LINGO2: variants seen among roughly 807,000 people sequenced by gnomAD.
LINGO2 encodes the protein leucine-rich repeat and immunoglobulin-like domain-containing nogo receptor-interacting protein 2.
LINGO2 carries 14 observed loss-of-function variants against 30.6 expected under a neutral mutation model. The ratio of observed to expected loss-of-function variants is 0.46; its 90% CI spans 0.30 to 0.72. The LOEUF (loss-of-function observed/expected upper bound fraction) is 0.72. LINGO2 is among the 30% of genes least tolerant of loss of function. LINGO2 has a pLI of 0.07. For synonymous variants in LINGO2, 317 were observed against 288.5 expected (o/e 1.10, Z -1.00); for missense variants, 729 against 751.7 (o/e 0.97, Z 0.35).
chr9:28,262,409 A>G (rs1229579255), intron 4 of LINGO2, among the ~76,000 whole-genome samples: 3 of 152,076 alleles, frequency 2.0e-5, no homozygotes, highest in Non-Finnish European at 4.4e-5. Context: ...TTGAATTTGA[A>G]TCAACAATTT....
chr9:28,829,982 ACATT>A, the LINGO2 span, among the ~76,000 whole-genome samples: 6 of 152,224 alleles, frequency 3.9e-5, no homozygotes, highest in Non-Finnish European at 8.8e-5. Flanking sequence ...TAAGGAACAT[ACATT>A]CATAACCAAA....
At chr9:28,303,457 A>G (rs1198325666) in intron 3 of LINGO2, among the ~76,000 whole-genome samples, 4 of 152,098 alleles carry the variant, frequency 2.6e-5, no homozygotes, top group African/African-American at 9.7e-5. Flanking sequence ...TATATATAAA[A>G]TTGACCCCTG....
the LINGO2 span, among the ~76,000 whole-genome samples, chr9:29,020,252 C>T: frequency 5.9e-5 from 9 of 152,196 alleles, no homozygotes; most frequent in African/African-American, 1.2e-4. Context: ...CAAGAACTAA[C>T]GGACTAATGG....
chr9:28,428,350 A>T (rs1823498008), intron 2 of LINGO2, among the ~76,000 whole-genome samples: 1 of 152,188 alleles, frequency 6.6e-6, no homozygotes, highest in Non-Finnish European at 1.5e-5. Context: ...AAAGGAGGAA[A>T]GGGGATCTTG....
In LINGO2 at chr9:28,301,651, C is replaced by T. The variant is rs1824148829; in HGVS notation, c.-245-6285G>A. ...TTTTCCCACAACTTTTAATGTAAAA[C>T]ATTTATTTCTCTTTGAGTTTCAGAT... is the stretch of plus-strand genomic sequence containing the variant. On this transcript the variant is annotated intron_variant, in intron 3 of 5. Transcript: ENST00000379992. Among the ~76,000 whole-genome samples, 3 of 152,114 alleles carry T rather than the reference C, an allele frequency of 2.0e-5. No individual in the cohort carries two copies. The South Asian group carries it at 6.2e-4, about 32-fold the overall frequency.
At chr9:28,775,078 T>G in the LINGO2 span, among the ~76,000 whole-genome samples, 1 of 152,128 alleles carries the variant, frequency 6.6e-6, no homozygotes, top group African/African-American at 2.4e-5. Flanking sequence ...GTGCGGATAT[T>G]GCTGGTGATG....
At chr9:29,186,381 T>G in the LINGO2 span, among the ~76,000 whole-genome samples, 2 of 152,138 alleles carry the variant, frequency 1.3e-5, no homozygotes, top group Non-Finnish European at 2.9e-5. Context: ...TAAAGGCATC[T>G]TACATGGTGA....
At chr9:28,946,228 G>C in the LINGO2 span, among the ~76,000 whole-genome samples, 1 of 152,090 alleles carries the variant, frequency 6.6e-6, no homozygotes, top group Non-Finnish European at 1.5e-5. Context: ...CTACTTCAAA[G>C]TAGGTAAAAC....
chr9:29,203,735 T>A, the LINGO2 span, among the ~76,000 whole-genome samples: 1 of 152,196 alleles, frequency 6.6e-6, no homozygotes, highest in Non-Finnish European at 1.5e-5. Context: ...CACTTAATCC[T>A]CTTGCCTATT....
intron 4 of LINGO2, among the ~76,000 whole-genome samples, chr9:28,031,942 C>A (rs1823696096): frequency 6.6e-6 from 1 of 151,918 alleles, no homozygotes; most frequent in Non-Finnish European, 1.5e-5. Context: ...CAACTGTGTG[C>A]CAGGCAGGCA....
intron 1 of LINGO2, among the ~76,000 whole-genome samples, chr9:28,658,966 A>C (rs1828475964): frequency 6.6e-6 from 1 of 152,168 alleles, no homozygotes; most frequent in African/African-American, 2.4e-5. Flanking sequence ...CAGCAAGATG[A>C]CAATGCAATG....
the LINGO2 span, among the ~76,000 whole-genome samples, chr9:28,993,375 T>C: frequency 6.6e-6 from 1 of 152,154 alleles, no homozygotes; most frequent in East Asian, 1.9e-4. Context: ...CAATAATCAA[T>C]AGCTTACCAT....
At position 28,524,932 on chromosome 9, in the gene LINGO2, A is replaced by T. The variant is rs193059273; in HGVS notation, c.-364-48907T>A. On this transcript the variant is annotated intron_variant, in intron 1 of 5. Coordinates refer to ENST00000379992, the Ensembl canonical transcript of LINGO2. ...ATGAATCACAAATAAGCACATGAAA[A>T]TATACTTAACATGATTAGTCAATAA... 2.2e-3 allele frequency among the ~76,000 whole-genome samples: 335 copies of T among 152,318 alleles called. 1 individual carries two copies. Among genetic ancestry groups the T allele is most frequent in the Non-Finnish European group, 3.6e-3 (246 of 68,024 alleles).
At chr9:27,950,661 G>T (rs771681212) in exon 6 of LINGO2, 2 of 1,506,716 alleles carry the variant, frequency 1.3e-6, no homozygotes, top group African/African-American at 1.4e-5. Context: ...TGATATGGCC[G>T]TGTGAAGCAT....
rs192009087 is a variant in LINGO2, at chr9:28,045,985, T to C, written c.-86-33580A>G. Among the ~76,000 whole-genome samples the C allele has an allele frequency of 3.0e-3, 455 of 152,268 alleles. 16 individuals carry two copies. In the South Asian group the frequency reaches 0.064, roughly 22 times the overall value. On this transcript the variant is annotated intron_variant, in intron 4 of 5. Coordinates refer to ENST00000379992, the Ensembl canonical transcript of LINGO2. ...TCTCTTCATTTCCTCATGTGTCCCTTTGGCAAAAAGTTTAGACCTATAATG... is the reference window on the plus strand; with the variant it reads ...TCTCTTCATTTCCTCATGTGTCCCTCTGGCAAAAAGTTTAGACCTATAATG...
At chr9:28,103,207 A>C (rs1826468923) in intron 4 of LINGO2, among the ~76,000 whole-genome samples, 1 of 152,172 alleles carries the variant, frequency 6.6e-6, no homozygotes, top group Non-Finnish European at 1.5e-5. Flanking sequence ...TTGAATTTTT[A>C]TGGAAAGTTG....
intron 1 of LINGO2, among the ~76,000 whole-genome samples, chr9:28,591,973 A>G (rs1002649969): frequency 7.2e-5 from 11 of 152,004 alleles, no homozygotes; most frequent in Non-Finnish European, 1.5e-4. Context: ...AGCTCCATCT[A>G]AGGTATTTTT....
intron 4 of LINGO2, among the ~76,000 whole-genome samples, chr9:28,029,297 G>A (rs1823543732): frequency 6.6e-6 from 1 of 152,148 alleles, no homozygotes; most frequent in Non-Finnish European, 1.5e-5. Context: ...TTGGGAGTGG[G>A]ATCCAGGAAT....
intron 3 of LINGO2, among the ~76,000 whole-genome samples, chr9:28,301,542 G>C (rs949664183): frequency 6.6e-6 from 1 of 152,176 alleles, no homozygotes; most frequent in African/African-American, 2.4e-5. Context: ...AGATTCTGAA[G>C]ATGACACTTC....
Sources: allele counts gnomAD v4.1 joint callset (sites outside exome capture counted in the v4.1 genomes callset), GRCh38; gene constraint gnomAD v4.1.1; transcripts MANE v1.5; gene names NCBI Gene and HGNC (gene_info 2026-07-23, HGNC 2026-07-21).